Variants in WFDC1 observed in about 807,000 individuals in gnomAD.
WFDC1 encodes WAP four-disulfide core domain protein 1.
Under a neutral mutation model 32.9 loss-of-function variants are expected in WFDC1, and 39 were observed. That is an observed-to-expected ratio of 1.19 (90% CI 0.92 to 1.55). WFDC1 has a LOEUF of 1.55. Ranked by LOEUF, WFDC1 falls within the 40% of genes most tolerant of loss-of-function variation. The pLI, the probability that WFDC1 is intolerant of heterozygous loss-of-function variation, is 0.00. For missense variants in WFDC1, 386 were observed against 309.5 expected, an observed-to-expected ratio of 1.25 and a Z score of -1.85; for synonymous variants, 184 against 137.4, an observed-to-expected ratio of 1.34 and a Z score of -2.37.
At chr16:84,299,818 AG>A (rs1336412204) in intron 1 of WFDC1, among the ~76,000 whole-genome samples, 6 of 152,098 alleles carry the variant, frequency 3.9e-5, no homozygotes, top group Admixed American at 3.9e-4. Context: ...TGTCCTGCTG[AG>A]GGGGGCTGGG....
chr16:84,312,666 C>T (rs967091787), intron 1 of WFDC1, among the ~76,000 whole-genome samples: 1 of 152,120 alleles, frequency 6.6e-6, no homozygotes. Flanking sequence ...TATCATCTCT[C>T]TCTCACACCG....
Position 84,319,535 on chromosome 16 carries a change from A to G in WFDC1, c.526A>G (p.Asn176Asp). Reference protein sequence around the residue: ...SPGDVAEGIPNRGQCVKQRRQ... With the variant: ...SPGDVAEGIPDRGQCVKQRRQ... ...AGGTGACGTGGCCGAAGGTATCCCC[A>G]ACCGTGGGCAGTGCGTCAAGCAGCG... The change falls in exon 4 of 7, where the codon AAC becomes GAC. Residue 176 changes from asparagine (N) to aspartate (D), a missense_variant. By Grantham distance (23) the Asn-to-Asp change is conservative. Transcript: ENST00000219454. 6.2e-7 allele frequency: 1 copy of G among 1,613,084 alleles called. No individual in the cohort carries two copies. The highest frequency in any genetic ancestry group is 8.5e-7 in the Non-Finnish European group (1 of 1,179,926).
Position 84,326,942 on chromosome 16 carries a change from G to A in WFDC1, c.*2G>A, listed in dbSNP as rs140842765. On this transcript the variant is annotated 3_prime_UTR_variant, in exon 6 of 7. Coordinates refer to ENST00000219454, the MANE Select transcript of WFDC1 (RefSeq NM_021197.4). ...GGACAACAGAAGCACTTTCAGTAAA[G>A]CAACGGCAAGCAGGTGAGTGGGCAG... The A allele has an allele frequency of 2.3e-4, 377 of 1,614,078 alleles. 4 individuals carry two copies. In the South Asian group the frequency reaches 2.8e-3, roughly 12 times the overall value.
chr16:84,296,132 C>G (rs754040772), intron 1 of WFDC1, among the ~76,000 whole-genome samples: 1 of 152,120 alleles, frequency 6.6e-6, no homozygotes, highest in African/African-American at 2.4e-5. Flanking sequence ...TGAGCCAGGA[C>G]GATATCAGCA....
At chr16:84,315,123 C>T (rs1193003810) in intron 2 of WFDC1, among the ~76,000 whole-genome samples, 1 of 152,188 alleles carries the variant, frequency 6.6e-6, no homozygotes, top group Non-Finnish European at 1.5e-5. Context: ...AATGTGGAGC[C>T]CCTGCCCTGG....
chr16:84,295,205 G>GT (rs1441928259), intron 1 of WFDC1, 90 bp downstream of exon 1: 2 of 1,521,924 alleles, frequency 1.3e-6, no homozygotes, highest in East Asian at 4.6e-5. Context: ...GCCTTCTCCT[G>GT]TAAGTGCTCC....
intron 5 of WFDC1, 136 bp from the exon 6 acceptor site, chr16:84,326,746 A>G: frequency 3.3e-6 from 3 of 922,460 alleles, no homozygotes; most frequent in Non-Finnish European, 3.5e-6. Flanking sequence ...GCAGGTGGGG[A>G]CTGAGTGACC....
intron 2 of WFDC1, among the ~76,000 whole-genome samples, chr16:84,315,006 G>A (rs79054748): frequency 0.085 from 12,897 of 152,300 alleles, 679 homozygotes; most frequent in South Asian, 0.12. Flanking sequence ...CTGAAGCTCA[G>A]AGAAGCTGAA....
At chr16:84,306,400 G>C (rs548203878) in intron 1 of WFDC1, among the ~76,000 whole-genome samples, 7 of 152,166 alleles carry the variant, frequency 4.6e-5, no homozygotes, top group Non-Finnish European at 2.9e-5. Flanking sequence ...GTTAGGAAGC[G>C]TTCCGAGTAG....
At chr16:84,307,117 G>A (rs1907310342) in intron 1 of WFDC1, among the ~76,000 whole-genome samples, 1 of 152,134 alleles carries the variant, frequency 6.6e-6, no homozygotes, top group Non-Finnish European at 1.5e-5. Flanking sequence ...TGAGTAAGGA[G>A]GGGAGTGCTG....
At position 84,295,012 on chromosome 16, in the gene WFDC1, A is replaced by G. The variant is rs777003630; in HGVS notation, c.41A>G (p.Gln14Arg). 1 of 1,614,190 alleles carries G rather than the reference A, an allele frequency of 6.2e-7. No individual in the cohort carries two copies. The highest frequency in any genetic ancestry group is 1.3e-5 in the African/African-American group (1 of 75,078). ...GTGGGGCCGGGCAGCTGCAGGAGGC[A>G]GATCATCCGGGCTCTGTGCCTCTTG... ...TGVGPGSCRRQIIRALCLLLL... is the reference protein window; with the variant it reads ...TGVGPGSCRRRIIRALCLLLL... The change falls in exon 1 of 7, where the codon CAG becomes CGG. Residue 14 changes from glutamine (Q) to arginine (R), a missense_variant. Physicochemically the swap from Gln to Arg is conservative, Grantham distance 43. Transcript: ENST00000219454.
chr16:84,297,693 T>A (rs901727850), intron 1 of WFDC1, among the ~76,000 whole-genome samples: 37 of 148,904 alleles, frequency 2.5e-4, no homozygotes, highest in African/African-American at 9.1e-4. Flanking sequence ...TGTTCGCCTG[T>A]GGCTCAGAGG....
At chr16:84,300,416 C>G (rs1906866398) in intron 1 of WFDC1, among the ~76,000 whole-genome samples, 1 of 152,248 alleles carries the variant, frequency 6.6e-6, no homozygotes, top group Non-Finnish European at 1.5e-5. Flanking sequence ...GGCGCCTTCC[C>G]TTTCCTGCCC....
chr16:84,304,041 G>A (rs1907101484), intron 1 of WFDC1, among the ~76,000 whole-genome samples: 1 of 152,176 alleles, frequency 6.6e-6, no homozygotes, highest in Non-Finnish European at 1.5e-5. Flanking sequence ...GGCCTGCCTG[G>A]TGTTCTCTGT....
At chr16:84,311,384 A>AT (rs747950638) in intron 1 of WFDC1, among the ~76,000 whole-genome samples, 1 of 118,304 alleles carries the variant, frequency 8.5e-6, no homozygotes, top group African/African-American at 3.1e-5. Context: ...CGCCCGGCTA[A>AT]TTTTTTTTCT....
chr16:84,300,689 G>T (rs563880128), intron 1 of WFDC1, among the ~76,000 whole-genome samples: 1 of 152,226 alleles, frequency 6.6e-6, no homozygotes, highest in African/African-American at 2.4e-5. Context: ...AGGAGAAGGG[G>T]CCAGGCATGG....
At chr16:84,295,150 G>C (rs401782) in intron 1 of WFDC1, 35 bp downstream of exon 1, 1,587,685 of 1,609,206 alleles carry the variant, frequency 0.99, 785,402 homozygotes, top group East Asian at 1. Context: ...GGGGCAGCCT[G>C]TGTGGGTGGG....
chr16:84,310,880 G>C (rs1158147425), intron 1 of WFDC1, among the ~76,000 whole-genome samples: 1 of 152,132 alleles, frequency 6.6e-6, no homozygotes, highest in African/African-American at 2.4e-5. Flanking sequence ...CTATGTACTG[G>C]GCCAGCACAA....
At chr16:84,295,167 C>T (rs1906519674) in intron 1 of WFDC1, 52 bp downstream of exon 1, 1 of 1,597,332 alleles carries the variant, frequency 6.3e-7, no homozygotes, top group South Asian at 1.1e-5. Context: ...TGGGAGTCAG[C>T]CTTGAGGAGA....
Sources: allele counts gnomAD v4.1 joint callset (sites outside exome capture counted in the v4.1 genomes callset), GRCh38; gene constraint gnomAD v4.1.1; transcripts MANE v1.5; gene names NCBI Gene and HGNC (gene_info 2026-07-23, HGNC 2026-07-21).